The following STRN4 variants were observed in gnomAD, a reference collection of about 807,000 sequenced individuals.
STRN4 encodes striatin 4, also known as striatin-4.
In STRN4, 27 loss-of-function variants were observed where a neutral mutation model predicts 77.9. The observed-to-expected ratio is 0.35, with a 90% CI of 0.26 to 0.48. The LOEUF (loss-of-function observed/expected upper bound fraction) is 0.48. Ranked by LOEUF, STRN4 falls within the 20% of genes least tolerant of loss-of-function variation. The pLI, the probability that STRN4 is intolerant of heterozygous loss-of-function variation, is 0.99. For synonymous variants in STRN4, 466 were observed against 443.1 expected, an observed-to-expected ratio of 1.05 and a Z score of -0.65; for missense variants, 798 against 1,049.7, an observed-to-expected ratio of 0.76 and a Z score of 3.31.
At chr19:46,734,727 C>T (rs560661895) in intron 4 of STRN4, among the ~76,000 whole-genome samples, 8 of 152,264 alleles carry the variant, frequency 5.3e-5, no homozygotes, top group Admixed American at 1.3e-4. Flanking sequence ...TGCAGTGGCA[C>T]GATCTCGGCT....
intron 9 of STRN4, chr19:46,725,906 G>C: frequency 2.0e-6 from 1 of 512,012 alleles, no homozygotes; most frequent in Non-Finnish European, 3.5e-6. Context: ...TTGCAGTTGA[G>C]AGGAAGGGGA....
At chr19:46,745,522 C>T (rs2054567472) in intron 1 of STRN4, among the ~76,000 whole-genome samples, 1 of 152,088 alleles carries the variant, frequency 6.6e-6, no homozygotes, top group Non-Finnish European at 1.5e-5. Context: ...CCCCGAAACA[C>T]ACCGATCCCA....
intron 3 of STRN4, among the ~76,000 whole-genome samples, 159 bp from the exon 4 acceptor site, chr19:46,737,060 G>A (rs963351989): frequency 1.1e-4 from 16 of 152,110 alleles, no homozygotes; most frequent in Non-Finnish European, 1.5e-5. Flanking sequence ...TCCCTTACTC[G>A]GGGATTCCTC....
intron 16 of STRN4, 36 bp downstream of exon 16, chr19:46,721,950 T>C: frequency 6.2e-7 from 1 of 1,609,974 alleles, no homozygotes; most frequent in Non-Finnish European, 8.5e-7. Flanking sequence ...CCTCCCCTTC[T>C]CCCCAACCCT....
At chr19:46,727,669 G>T in intron 8 of STRN4, 123 bp from the exon 9 acceptor site, 1 of 835,930 alleles carries the variant, frequency 1.2e-6, no homozygotes, top group Non-Finnish European at 1.9e-6. Flanking sequence ...GAGACGGGGA[G>T]AGGACAAGAT....
At chr19:46,727,860 G>A (rs764502489) in intron 8 of STRN4, 34 bp downstream of exon 8, 20 of 1,540,844 alleles carry the variant, frequency 1.3e-5, no homozygotes, top group Middle Eastern at 1.8e-4. Context: ...CCATGGGCCC[G>A]CAGGACTGGG....
At chr19:46,745,678 C>T (rs2054574788) in intron 1 of STRN4, 1 of 152,914 alleles carries the variant, frequency 6.5e-6, no homozygotes, top group East Asian at 1.9e-4. Context: ...TCGGGAGTCC[C>T]TCGGCGCCCG....
At chr19:46,742,528 G>A (rs778659963) in intron 1 of STRN4, among the ~76,000 whole-genome samples, 4 of 152,046 alleles carry the variant, frequency 2.6e-5, no homozygotes, top group Admixed American at 2.6e-4. Context: ...GTAAACTGGT[G>A]GGTCAATGTG....
At chr19:46,736,950 T>C in intron 3 of STRN4, 49 bp from the exon 4 acceptor site, 2 of 1,587,902 alleles carry the variant, frequency 1.3e-6, no homozygotes, top group Non-Finnish European at 1.7e-6. Flanking sequence ...CACTGCCACC[T>C]ACCCATCACC....
rs2054181614 is a variant in STRN4, at chr19:46,728,742, G to A, written c.915C>T (p.Asp305=). The A allele has an allele frequency of 3.7e-6, 6 of 1,614,004 alleles. No homozygotes were observed. The highest frequency in any genetic ancestry group is 3.4e-6 in the Non-Finnish European group (4 of 1,180,008). ...CCTCAGAGTCGTCTTCCTCATCCTC[G>A]TCTTCCATTTCGGGCACCAGAGCCT... is the stretch of plus-strand genomic sequence containing the variant. ...PSKALVPEME[D]EDEEDDSEDA... The change falls in exon 7 of 18, where the codon GAC becomes GAT. Residue 305 remains aspartate (D), a synonymous_variant. Coordinates refer to ENST00000263280, the MANE Select transcript of STRN4 (RefSeq NM_013403.3).
At chr19:46,740,545 C>T (rs564816894) in intron 1 of STRN4, among the ~76,000 whole-genome samples, 12 of 152,012 alleles carry the variant, frequency 7.9e-5, no homozygotes, top group African/African-American at 2.9e-4. Context: ...AGAGGCAGAC[C>T]GACCACCGAA....
rs1453228828 is a variant in STRN4 at position 46,736,906 on chromosome 19, C to A, written c.461-5G>T. The A allele has an allele frequency of 6.2e-7, 1 of 1,610,628 alleles. No individual in the cohort carries two copies. Among genetic ancestry groups the A allele is most frequent in the African/African-American group, 1.3e-5 (1 of 74,672 alleles). On this transcript the variant is annotated splice_region_variant and splice_polypyrimidine_tract_variant and intron_variant, in intron 3 of 17. Transcript: ENST00000263280. ...ATTCCACGGGGCCATTGGAGACTGG[C>A]GGGTGAGAGAACGGAGGCTGTCTTA...
At chr19:46,745,916 C>T in intron 1 of STRN4, 1 of 419,750 alleles carries the variant, frequency 2.4e-6, no homozygotes, top group Non-Finnish European at 4.1e-6. Flanking sequence ...CTCCCACCCC[C>T]GGTCCCTCCA....
In STRN4 at chr19:46,723,169, G is replaced by A. The variant is rs973051222; in HGVS notation, c.1710C>T (p.Ile570=). 1.9e-6 allele frequency: 3 copies of A among 1,564,720 alleles called. No individual in the cohort carries two copies. Among genetic ancestry groups the A allele is most frequent in the African/African-American group, 2.7e-5 (2 of 73,482 alleles). ...CCGGGCTGCTGCTGCTGGGGTCCCA[G>A]ATGCGGACGGTGCCATCAGCAGAAC... The part of the protein sequence containing the change: ...ASCSADGTVR[I]WDPSSSSPAC... Residue 570 remains isoleucine (I), a synonymous_variant, in exon 13 of 18, where the codon ATC becomes ATT. Transcript: ENST00000263280. This position sits in a 1 kb window ranked among gnomAD's most constrained non-coding sequence, Gnocchi z 5.5.
At chr19:46,724,736 CGT>C in intron 12 of STRN4, 69 bp downstream of exon 12, 2 of 1,604,980 alleles carry the variant, frequency 1.2e-6, no homozygotes, top group Non-Finnish European at 1.7e-6. Flanking sequence ...GTGGACGCGA[CGT>C]GTGTGTGCGT....
In STRN4 at chr19:46,728,707, T is replaced by A; in HGVS notation, c.950A>T (p.Asn317Ile). Reference sequence around the variant, plus strand: ...TCCTGAGCCCAGGAAATCAAACTCATTGATAGCATCCTCAGAGTCGTCTTC... The same window carrying A: ...TCCTGAGCCCAGGAAATCAAACTCAATGATAGCATCCTCAGAGTCGTCTTC... ...DEEDDSEDAI[N>I]EFDFLGSGED... Residue 317 changes from asparagine (N) to isoleucine (I), a missense_variant, in exon 7 of 18, where the codon AAT becomes ATT. By Grantham distance (149) the Asn-to-Ile change is moderately radical. Around this residue, in one of 2 missense-constraint regions of STRN4, gnomAD observed 511 missense variants for 575.9 expected, o/e 0.89. Transcript: ENST00000263280. 1.2e-6 allele frequency: 2 copies of A among 1,614,164 alleles called. No individual in the cohort carries two copies. Among genetic ancestry groups the A allele is most frequent in the Non-Finnish European group, 1.7e-6 (2 of 1,179,998 alleles).
intron 1 of STRN4, among the ~76,000 whole-genome samples, chr19:46,743,268 AC>A (rs1230157535): frequency 6.6e-6 from 1 of 151,954 alleles, no homozygotes; most frequent in African/African-American, 2.4e-5. Flanking sequence ...ACACACACAC[AC>A]CCCTCTGAGA....
chr19:46,733,132 G>A lies in STRN4; in HGVS notation c.644C>T (p.Pro215Leu), dbSNP rs769814736. The change falls in exon 5 of 18, where the codon CCG (proline) becomes CTG (leucine). Residue 215 changes from proline to leucine, a missense_variant. By Grantham distance (98) the Pro-to-Leu change is moderately conservative. Coordinates refer to ENST00000263280, the MANE Select transcript of STRN4 (RefSeq NM_013403.3). This position sits in a 1 kb window ranked among gnomAD's most constrained non-coding sequence, Gnocchi z 4.3. ...TGGAGCCCTGGGGGCCCCTTCACTCGGCTCCACTGCCCCGTTGAGCTCCAG... is the reference window on the plus strand; with the variant it reads ...TGGAGCCCTGGGGGCCCCTTCACTCAGCTCCACTGCCCCGTTGAGCTCCAG... Reference protein sequence around the residue: ...RSLELNGAVEPSEGAPRAPPG... With the variant: ...RSLELNGAVELSEGAPRAPPG... 3.2e-5 allele frequency: 52 copies of A among 1,612,536 alleles called. 1 individual carries two copies. The highest frequency in any genetic ancestry group is 1.6e-4 in the Middle Eastern group (1 of 6,084).
Position 46,738,946 on chromosome 19 carries a change from T to G in STRN4, c.283-58A>C. ...ATGGGGCTCAGGCTCAATGCCGGTG[T>G]GTCTATCACTCACCCAGGTATAGTG... On this transcript the variant is annotated intron_variant, in intron 1 of 17. Coordinates refer to ENST00000263280, the MANE Select transcript of STRN4 (RefSeq NM_013403.3). The surrounding 1 kb of genome is among the most constrained non-coding windows in gnomAD (Gnocchi z 4.5). The G allele has an allele frequency of 6.9e-7, 1 of 1,442,720 alleles. No individual in the cohort carries two copies. Among genetic ancestry groups the G allele is most frequent in the Non-Finnish European group, 9.7e-7 (1 of 1,031,816 alleles). The allele number at this position is 1,442,720 out of a possible 1,614,324, so 89.4% of individuals were successfully genotyped here.
Sources: gnomAD v4.1 joint callset for allele counts (sites outside exome capture counted in the v4.1 genomes callset) on GRCh38, gnomAD v4.1.1 for gene constraint, gnomAD v4.1.1 regional missense constraint, Gnocchi (gnomAD v3.1) non-coding constraint, MANE v1.5 for transcripts, NCBI Gene and HGNC (gene_info 2026-07-23, HGNC 2026-07-21) for gene names.